The following UBOX5 variants were observed in gnomAD, a reference collection of about 807,000 sequenced individuals.
UBOX5 encodes the protein RING finger protein 37.
Under a neutral mutation model 39.0 loss-of-function variants are expected in UBOX5, and 28 were observed. The ratio of observed to expected loss-of-function variants is 0.72; its 90% CI spans 0.53 to 0.98. The LOEUF (loss-of-function observed/expected upper bound fraction) is 0.98. Ranked by LOEUF, UBOX5 falls within the 50% of genes least tolerant of loss-of-function variation. The pLI is 0.00. For missense variants in UBOX5, 585 were observed against 674.4 expected (o/e 0.87, Z 1.47); for synonymous variants, 283 against 275.5 (o/e 1.03, Z -0.27).
At chr20:3,132,943 G>C (rs62206129) in intron 1 of UBOX5, among the ~76,000 whole-genome samples, 184 of 150,776 alleles carry the variant, frequency 1.2e-3, no homozygotes, top group Non-Finnish European at 2.2e-3. Flanking sequence ...GCAACATAGC[G>C]AGACCCAGTC....
intron 1 of UBOX5, among the ~76,000 whole-genome samples, chr20:3,158,626 C>T (rs2122139397): frequency 6.6e-6 from 1 of 152,330 alleles, no homozygotes. Context: ...AGGCGCCCGC[C>T]ACCACGCCCA....
rs1456076359 is a variant in UBOX5 at position 3,109,649 on chromosome 20, G to A, written c.*457C>T. Reference sequence around the variant, plus strand: ...TCGCTTTATTAAGGCTGCGAGTCGGGGGGCTGAGTCATGCACTCCACAGAC... The same window carrying A: ...TCGCTTTATTAAGGCTGCGAGTCGGAGGGCTGAGTCATGCACTCCACAGAC... On this transcript the variant is annotated 3_prime_UTR_variant, in exon 5 of 5. Coordinates refer to ENST00000217173, the MANE Select transcript of UBOX5 (RefSeq NM_014948.4). 1 of 185,036 alleles carries A rather than the reference G, an allele frequency of 5.4e-6. No homozygotes were observed. The highest frequency in any genetic ancestry group is 1.3e-4 in the East Asian group (1 of 7,624). 11.5% of individuals were successfully genotyped at this position (185,036 alleles called of 1,614,324 possible). A position where few individuals can be genotyped will look rare whatever the true frequency, so the allele number is the denominator to read the frequency against.
chr20:3,138,331 T>G (rs1036095370), intron 1 of UBOX5, among the ~76,000 whole-genome samples: 5 of 152,066 alleles, frequency 3.3e-5, no homozygotes, highest in Non-Finnish European at 7.4e-5. Context: ...GTTAAAAATC[T>G]ATGTCTAGGA....
intron 4 of UBOX5, among the ~76,000 whole-genome samples, chr20:3,110,942 C>T (rs369292280): frequency 2.0e-5 from 3 of 152,278 alleles, no homozygotes; most frequent in South Asian, 4.1e-4. Context: ...GCCTGCAGTG[C>T]ACCTGCCACT....
chr20:3,155,162 G>T (rs1460850294), intron 1 of UBOX5, among the ~76,000 whole-genome samples: 1 of 152,142 alleles, frequency 6.6e-6, no homozygotes, highest in Admixed American at 6.6e-5. Flanking sequence ...GGGAAGCTGA[G>T]GTGGGCGGAT....
intron 4 of UBOX5, among the ~76,000 whole-genome samples, chr20:3,112,284 G>C (rs1036313830): frequency 6.6e-6 from 1 of 152,130 alleles, no homozygotes; most frequent in Admixed American, 6.5e-5. Flanking sequence ...TGCATGATGA[G>C]AATTTATTTT....
At chr20:3,113,021 C>T (rs775238563) in intron 4 of UBOX5, among the ~76,000 whole-genome samples, 7 of 151,252 alleles carry the variant, frequency 4.6e-5, no homozygotes, top group Non-Finnish European at 1.0e-4. Context: ...CACCTGTAAT[C>T]CCAGCACTTT....
At position 3,122,403 on chromosome 20, in the gene UBOX5, G is replaced by A. The variant is rs777481259; in HGVS notation, c.236C>T (p.Thr79Ile). The A allele has an allele frequency of 1.2e-6, 2 of 1,614,218 alleles. No individual in the cohort carries two copies. Among genetic ancestry groups the A allele is most frequent in the Non-Finnish European group, 1.7e-6 (2 of 1,180,038 alleles). Residue 79 changes from threonine (T) to isoleucine (I), a missense_variant, in exon 3 of 5, where the codon ACT (threonine) becomes ATT (isoleucine). Transcript: ENST00000217173. Reference sequence around the variant, plus strand: ...GGCAGATGTGTACATTTCCAGGCCAGTGACGTTCTGACCTCCCCCAGCTGT... The same window carrying A: ...GGCAGATGTGTACATTTCCAGGCCAATGACGTTCTGACCTCCCCCAGCTGT... ...DLTAGGGQNVTGLEMYTSASS... is the reference protein window; with the variant it reads ...DLTAGGGQNVIGLEMYTSASS...
intron 3 of UBOX5, 21 bp from the exon 4 acceptor site, chr20:3,115,487 CACA>C (rs2066286978): frequency 1.3e-6 from 2 of 1,592,492 alleles, no homozygotes. Context: ...ATGCGCACAG[CACA>C]ACATCCAGAG....
Position 3,123,587 on chromosome 20 carries a change from A to C in UBOX5, c.-41-181T>G, listed in dbSNP as rs75907365. 7.5e-3 allele frequency among the ~76,000 whole-genome samples: 1,148 copies of C among 152,280 alleles called. 15 individuals carry two copies. Among genetic ancestry groups the C allele is most frequent in the African/African-American group, 0.027 (1,106 of 41,546 alleles). ...ATGTTGGGGAAAAATTAGTCACTGA[A>C]AAATTATAGAGAAGACTTCTATGGC... On this transcript the variant is annotated intron_variant, in intron 1 of 4. Transcript: ENST00000217173.
chr20:3,148,315 C>T (rs759615342), intron 1 of UBOX5: 3 of 1,613,804 alleles, frequency 1.9e-6, no homozygotes, highest in South Asian at 1.1e-5. Context: ...GGCCTAAGTA[C>T]CTCCAGAGAT....
intron 1 of UBOX5, among the ~76,000 whole-genome samples, chr20:3,125,076 C>A (rs1053396525): frequency 5.4e-5 from 8 of 148,946 alleles, no homozygotes; most frequent in African/African-American, 2.0e-4. Flanking sequence ...GCCTGGCCGC[C>A]CCATCTGGGA....
intron 1 of UBOX5, among the ~76,000 whole-genome samples, chr20:3,126,755 G>T (rs1459190411): frequency 1.3e-5 from 2 of 151,888 alleles, no homozygotes; most frequent in Admixed American, 1.3e-4. Flanking sequence ...TGACATCTAG[G>T]CCTGGCACGG....
At chr20:3,130,259 AAATAAAT>A in intron 1 of UBOX5, among the ~76,000 whole-genome samples, 1 of 151,176 alleles carries the variant, frequency 6.6e-6, no homozygotes, top group East Asian at 1.9e-4. Flanking sequence ...ATAAATAAAT[AAATAAAT>A]AAACAAACAA....
At chr20:3,140,596 C>T (rs1261793109) in intron 1 of UBOX5, among the ~76,000 whole-genome samples, 1 of 152,128 alleles carries the variant, frequency 6.6e-6, no homozygotes, top group Non-Finnish European at 1.5e-5. Context: ...TTTCAACTTA[C>T]CTCTGACTAC....
At chr20:3,159,180 C>G (rs1322305807) in intron 1 of UBOX5, among the ~76,000 whole-genome samples, 3 of 152,204 alleles carry the variant, frequency 2.0e-5, no homozygotes, top group African/African-American at 7.2e-5. Flanking sequence ...CAATACTACC[C>G]TTAGGCTTGT....
intron 1 of UBOX5, among the ~76,000 whole-genome samples, chr20:3,144,292 A>G (rs1367004148): frequency 2.0e-5 from 3 of 152,232 alleles, no homozygotes; most frequent in Non-Finnish European, 4.4e-5. Flanking sequence ...GCATAAGAAT[A>G]GATGAATGGA....
At position 3,119,802 on chromosome 20, in the gene UBOX5, C is replaced by T. The variant is rs547119105; in HGVS notation, c.1255+1582G>A. ...CTGCGAGGCGGAGGCTGCAGTGAGACGAGATTGCGCCATTGCACTCCAGCC... is the reference window on the plus strand; with the variant it reads ...CTGCGAGGCGGAGGCTGCAGTGAGATGAGATTGCGCCATTGCACTCCAGCC... On this transcript the variant is annotated intron_variant, in intron 3 of 4. Coordinates refer to ENST00000217173, the MANE Select transcript of UBOX5 (RefSeq NM_014948.4). Among the ~76,000 whole-genome samples the T allele has an allele frequency of 1.1e-4, 16 of 152,100 alleles. No homozygotes were observed. The South Asian group carries it at 3.1e-3, about 30-fold the overall frequency.
intron 1 of UBOX5, among the ~76,000 whole-genome samples, chr20:3,125,025 T>G (rs1222053437): frequency 1.4e-5 from 2 of 146,006 alleles, no homozygotes; most frequent in East Asian, 4.2e-4. Context: ...GGAGCACCTC[T>G]GCCTGGCAGC....
Sources: gnomAD v4.1 joint callset for allele counts (sites outside exome capture counted in the v4.1 genomes callset) on GRCh38, gnomAD v4.1.1 for gene constraint, MANE v1.5 for transcripts, NCBI Gene and HGNC (gene_info 2026-07-23, HGNC 2026-07-21) for gene names.